Variants in LRRC37A2 observed in about 807,000 individuals in gnomAD.
LRRC37A2 encodes the protein leucine rich repeat containing 37 member A2, also known as leucine-rich repeat-containing protein 37A2.
In LRRC37A2, 9 loss-of-function variants were observed where a neutral mutation model predicts 68.8. That is an observed-to-expected ratio of 0.13 (90% CI 0.08 to 0.23). The LOEUF is 0.23. Among genes scored for constraint, LRRC37A2 ranks in the 10% least tolerant of loss-of-function variants. The pLI is 1.00. For missense variants in LRRC37A2, 168 were observed against 950.4 expected (o/e 0.18, Z 10.82); for synonymous variants, 63 against 367.6 (o/e 0.17, Z 9.48).
At chr17:47,025,049 G>A in the LRRC37A2 span, among the ~76,000 whole-genome samples, 5 of 151,478 alleles carry the variant, frequency 3.3e-5, no homozygotes, top group East Asian at 1.9e-4. Flanking sequence ...TTTTCTATGC[G>A]GTCTACAACC....
chr17:46,960,066 A>G, the LRRC37A2 span, among the ~76,000 whole-genome samples: 1 of 152,186 alleles, frequency 6.6e-6, no homozygotes, highest in African/African-American at 2.4e-5. Context: ...AGGCTAACCA[A>G]ATTCATTGAT....
chr17:46,494,500 A>G, the LRRC37A2 span, among the ~76,000 whole-genome samples: 1 of 149,646 alleles, frequency 6.7e-6, no homozygotes, highest in African/African-American at 2.5e-5. Context: ...GGCTGTTCCA[A>G]TAAAACTTTA....
chr17:46,939,692 A>G, the LRRC37A2 span: 2 of 985,540 alleles, frequency 2.0e-6, no homozygotes, highest in Non-Finnish European at 2.4e-6. Flanking sequence ...CATTTTGCCC[A>G]GCCAGTGTGG....
the LRRC37A2 span, chr17:46,851,592 C>A: frequency 1.8e-6 from 2 of 1,127,774 alleles, no homozygotes; most frequent in Non-Finnish European, 2.2e-6. This position sits in a 1 kb window ranked among gnomAD's most constrained non-coding sequence, Gnocchi z 4.3. Context: ...GAGCTGCGAG[C>A]TTGAGCGGCG....
chr17:46,525,619 T>TAA (rs1491048563), intron 6 of LRRC37A2, among the ~76,000 whole-genome samples: 1 of 110,788 alleles, frequency 9.0e-6, no homozygotes, highest in Non-Finnish European at 2.1e-5. Context: ...ATAATAATCA[T>TAA]CATCATCATC....
At chr17:46,673,906 TG>T in the LRRC37A2 span, among the ~76,000 whole-genome samples, 593 of 8,090 alleles carry the variant, frequency 0.073, 256 homozygotes, top group Middle Eastern at 0.25. Flanking sequence ...TAGTATTCCA[TG>T]GGGGTGTGTG....
chr17:46,895,603 C>T, the LRRC37A2 span, among the ~76,000 whole-genome samples: 3 of 152,208 alleles, frequency 2.0e-5, no homozygotes, highest in African/African-American at 7.2e-5. Context: ...TGCTGTTACC[C>T]TGCCATGCAG....
downstream of LRRC37A2, among the ~76,000 whole-genome samples, chr17:46,558,111 A>G (rs1407540356): frequency 3.0e-5 from 4 of 131,394 alleles, 1 homozygote; most frequent in African/African-American, 1.2e-4. Context: ...TCAGTCTGGA[A>G]TGCAATGGCA....
chr17:47,000,063 T>TAAAATAAAATA, the LRRC37A2 span, among the ~76,000 whole-genome samples: 80 of 17,712 alleles, frequency 4.5e-3, no homozygotes, highest in East Asian at 0.019. Flanking sequence ...TAAAATAAAA[T>TAAAATAAAATA]TAAAATAAAA....
chr17:46,978,918 G>C, the LRRC37A2 span: 2 of 1,464,790 alleles, frequency 1.4e-6, no homozygotes, highest in East Asian at 2.9e-5. Flanking sequence ...TGCCCAGCCC[G>C]TGGGTGCGGT....
At chr17:46,878,596 C>T in the LRRC37A2 span, among the ~76,000 whole-genome samples, 69 of 152,336 alleles carry the variant, frequency 4.5e-4, no homozygotes, top group East Asian at 0.012. Flanking sequence ...CACTTCCCCA[C>T]AGCATGGAGA....
chr17:46,754,691 C>T, the LRRC37A2 span, among the ~76,000 whole-genome samples: 4 of 152,164 alleles, frequency 2.6e-5, no homozygotes, highest in Admixed American at 6.5e-5. Flanking sequence ...AACAAAGTTG[C>T]GCCATCTTTT....
At chr17:46,880,988 C>T in the LRRC37A2 span, among the ~76,000 whole-genome samples, 1 of 152,330 alleles carries the variant, frequency 6.6e-6, no homozygotes, top group Admixed American at 6.5e-5. Flanking sequence ...AAATGAGAAG[C>T]ACAGCCATGC....
chr17:46,395,686 TCAAAA>T, the LRRC37A2 span, among the ~76,000 whole-genome samples: 1 of 34,048 alleles, frequency 2.9e-5, no homozygotes, highest in Admixed American at 2.8e-4. Flanking sequence ...ACCCTGTCTC[TCAAAA>T]CAAAACCCTC....
the LRRC37A2 span, chr17:46,978,940 G>A: frequency 6.9e-7 from 1 of 1,455,094 alleles, no homozygotes; most frequent in Non-Finnish European, 9.0e-7. Context: ...TCCCAGGGCG[G>A]CCCCGGCGCC....
At chr17:46,755,966 C>A in the LRRC37A2 span, 1 of 731,368 alleles carries the variant, frequency 1.4e-6, no homozygotes, top group Non-Finnish European at 2.2e-6. Context: ...ATGATTAGTG[C>A]AATAAAACTC....
chr17:46,753,076 T>C, the LRRC37A2 span, among the ~76,000 whole-genome samples: 1 of 152,218 alleles, frequency 6.6e-6, no homozygotes, highest in Non-Finnish European at 1.5e-5. Context: ...GCCAGTAAAC[T>C]TCTGTTGGAT....
chr17:46,853,363 CTTTTTTTTTTTTT>C, the LRRC37A2 span, among the ~76,000 whole-genome samples: 7 of 78,896 alleles, frequency 8.9e-5, no homozygotes, highest in Non-Finnish European at 1.6e-4. Flanking sequence ...ATGCTAGTGA[CTTTTTTTTTTTTT>C]TTTTTTTTTT....
At chr17:46,409,147 T>TA in the LRRC37A2 span, 2 of 358,442 alleles carry the variant, frequency 5.6e-6, no homozygotes, top group Non-Finnish European at 1.0e-5. Context: ...ACTCAGATGT[T>TA]AATTTGTTCT....
Sources: allele counts gnomAD v4.1 joint callset (sites outside exome capture counted in the v4.1 genomes callset), GRCh38; gene constraint gnomAD v4.1.1; non-coding constraint Gnocchi (gnomAD v3.1); transcripts MANE v1.5; gene names NCBI Gene and HGNC (gene_info 2026-07-23, HGNC 2026-07-21).